CCR3: variants seen among roughly 807,000 people sequenced by gnomAD.
CCR3 encodes the protein C-C chemokine receptor type 3.
For synonymous variants in CCR3, 203 were observed against 179.2 expected, an observed-to-expected ratio of 1.13 and a Z score of -1.06; for missense variants, 419 against 437.5, an observed-to-expected ratio of 0.96 and a Z score of 0.38.
chr3:46,238,339 T>C (rs922520700), upstream of CCR3, among the ~76,000 whole-genome samples: 1 of 152,250 alleles, frequency 6.6e-6, no homozygotes, highest in South Asian at 2.1e-4. Context: ...ACTAACAATG[T>C]TGACAGTCTT....
In CCR3 at chr3:46,236,517, G is replaced by A. The variant is rs753730868; in HGVS notation, c.-67-5885G>A. 9.8e-5 allele frequency among the ~76,000 whole-genome samples: 15 copies of A among 152,324 alleles called. 1 individual carries two copies. Among genetic ancestry groups the A allele is most frequent in the South Asian group, 6.2e-4 (3 of 4,828 alleles). On this transcript the variant is annotated intron_variant, in intron 2 of 3. Coordinates refer to the CCR3 transcript ENST00000357422. ...ATGTAACCTCTCCACCCTGGGCTGC[G>A]TCAAACTGCCCACAGGAAATGTCAC...
chr3:46,213,816 G>A (rs1336740631), intron 2 of CCR3, among the ~76,000 whole-genome samples: 2 of 152,154 alleles, frequency 1.3e-5, no homozygotes, highest in Non-Finnish European at 1.5e-5. Context: ...GGGACCTCCA[G>A]TCCACTGATA....
chr3:46,248,157 G>A (rs1700233255), intron 1 of CCR3, among the ~76,000 whole-genome samples: 2 of 152,258 alleles, frequency 1.3e-5, no homozygotes, highest in Middle Eastern at 3.4e-3. Flanking sequence ...ATGAGGGTCA[G>A]GTGTGGTTTC....
chr3:46,250,506 C>G (rs149686656), intron 1 of CCR3, among the ~76,000 whole-genome samples: 1 of 152,110 alleles, frequency 6.6e-6, no homozygotes, highest in Non-Finnish European at 1.5e-5. Context: ...AATGCCTGGA[C>G]ATCAGGCACC....
In CCR3 at chr3:46,266,428, G is replaced by A. The variant is rs111320948; in HGVS notation, c.*202G>A. ...TACCACAGGCCAGGGGCTGGGCAGC[G>A]TACTCATCATCAACCCTAAAAAGCA... On this transcript the variant is annotated 3_prime_UTR_variant, in exon 2 of 2. Coordinates refer to ENST00000395940, the MANE Select transcript of CCR3 (RefSeq NM_178329.3). The A allele has an allele frequency of 2.8e-5, 14 of 492,262 alleles. No individual in the cohort carries two copies. Among genetic ancestry groups the A allele is most frequent in the African/African-American group, 1.2e-4 (6 of 50,844 alleles). 30.5% of individuals were successfully genotyped at this position (492,262 alleles called of 1,614,324 possible). A position where few individuals can be genotyped will look rare whatever the true frequency, so the allele number is the denominator to read the frequency against.
chr3:46,236,355 C>T lies in CCR3; in HGVS notation c.-67-6047C>T, dbSNP rs368174199. On this transcript the variant is annotated intron_variant, in intron 2 of 3. Transcript: ENST00000357422. The stretch of plus-strand genomic sequence containing the variant: ...GGAAGACACCGGCTGCTGAGAGCTG[C>T]CCTCACCATGGTGGTGCATGTGCAA... 2.0e-5 allele frequency among the ~76,000 whole-genome samples: 3 copies of T among 152,364 alleles called. No homozygotes were observed. In the East Asian group the frequency reaches 5.8e-4, roughly 29 times the overall value.
intron 1 of CCR3, chr3:46,264,186 T>A: frequency 1.9e-6 from 1 of 515,318 alleles, no homozygotes; most frequent in Non-Finnish European, 3.4e-6. Flanking sequence ...TCCCATTGAC[T>A]GACCCCTCCT....
intron 2 of CCR3, among the ~76,000 whole-genome samples, chr3:46,217,027 G>A (rs1039545458): frequency 1.3e-5 from 2 of 152,050 alleles, no homozygotes; most frequent in African/African-American, 2.4e-5. Flanking sequence ...AATGTAAATG[G>A]CCTAAATGCT....
intron 1 of CCR3, among the ~76,000 whole-genome samples, chr3:46,253,698 G>A (rs1019496257): frequency 6.6e-5 from 10 of 152,018 alleles, no homozygotes; most frequent in Non-Finnish European, 7.4e-5. Flanking sequence ...TAGAATTACC[G>A]GATTCTTTTG....
At chr3:46,225,277 G>T (rs1699881785) in intron 2 of CCR3, among the ~76,000 whole-genome samples, 3 of 152,160 alleles carry the variant, frequency 2.0e-5, no homozygotes, top group African/African-American at 2.4e-5. Flanking sequence ...CTTGACTGGT[G>T]GTTACATGGG....
At chr3:46,224,734 C>CCA (rs1559525837) in intron 2 of CCR3, among the ~76,000 whole-genome samples, 2 of 47,486 alleles carry the variant, frequency 4.2e-5, no homozygotes, top group Non-Finnish European at 8.8e-5. Flanking sequence ...AAGACTCTGT[C>CCA]AAAAAAAAAA....
At chr3:46,244,318 A>G (rs888716891) in intron 1 of CCR3, among the ~76,000 whole-genome samples, 1 of 152,232 alleles carries the variant, frequency 6.6e-6, no homozygotes, top group Admixed American at 6.5e-5. Context: ...ACTAGGTGAA[A>G]GGTAAAGAAG....
At chr3:46,227,548 G>T in intron 2 of CCR3, among the ~76,000 whole-genome samples, 1 of 150,042 alleles carries the variant, frequency 6.7e-6, no homozygotes, top group Non-Finnish European at 1.5e-5. Flanking sequence ...CTTTATTTTT[G>T]TCTCCTTTCT....
At chr3:46,241,966 C>G (rs1273799692), upstream of CCR3, among the ~76,000 whole-genome samples, 2 of 152,012 alleles carry the variant, frequency 1.3e-5, no homozygotes, top group East Asian at 3.9e-4. Context: ...AACCCTGTCT[C>G]TACTAAAAAT....
intron 1 of CCR3, among the ~76,000 whole-genome samples, chr3:46,250,954 G>A (rs192488127): frequency 6.1e-4 from 93 of 151,978 alleles, no homozygotes; most frequent in African/African-American, 2.2e-3. Context: ...TAAGGGATTG[G>A]GGTGCAGAGA....
At chr3:46,246,567 C>A (rs187522308) in intron 1 of CCR3, among the ~76,000 whole-genome samples, 2 of 152,020 alleles carry the variant, frequency 1.3e-5, no homozygotes, top group East Asian at 3.9e-4. Flanking sequence ...AGGCAAGGAC[C>A]GGCCATTTTC....
At chr3:46,238,963 T>TG (rs1324660971), upstream of CCR3, among the ~76,000 whole-genome samples, 2 of 152,128 alleles carry the variant, frequency 1.3e-5, no homozygotes, top group African/African-American at 4.8e-5. Context: ...TTGATTGAAA[T>TG]GGGGCATAAG....
chr3:46,232,888 A>G (rs1699982317), intron 2 of CCR3, among the ~76,000 whole-genome samples: 1 of 152,218 alleles, frequency 6.6e-6, no homozygotes, highest in South Asian at 2.1e-4. Context: ...GCTGGAGTGC[A>G]GTGGCACAAT....
rs892975606 is a variant in CCR3, at chr3:46,219,773, A to G, written c.-68+8866A>G. On this transcript the variant is annotated intron_variant, in intron 2 of 3. Coordinates refer to the CCR3 transcript ENST00000357422. Reference sequence around the variant, plus strand: ...CCTTTCCAACGAATGGTACTGGGATAATTGTCAAACCACATGTAGAAGAAT... The same window carrying G: ...CCTTTCCAACGAATGGTACTGGGATGATTGTCAAACCACATGTAGAAGAAT... 2.0e-5 allele frequency among the ~76,000 whole-genome samples: 3 copies of G among 152,360 alleles called. No individual in the cohort carries two copies. In the East Asian group the frequency reaches 5.8e-4, roughly 29 times the overall value.
Sources: allele counts gnomAD v4.1 joint callset (sites outside exome capture counted in the v4.1 genomes callset), GRCh38; gene constraint gnomAD v4.1.1; transcripts MANE v1.5; gene names NCBI Gene and HGNC (gene_info 2026-07-23, HGNC 2026-07-21).